Variants in ZBTB8OS observed in about 807,000 individuals in gnomAD.
The protein encoded by ZBTB8OS is tRNA-splicing ligase-activating factor archease.
In ZBTB8OS, 16 loss-of-function variants were observed where a neutral mutation model predicts 29.3. The observed-to-expected ratio is 0.55, with a 90% CI of 0.37 to 0.83. The LOEUF is 0.83. Ranked by LOEUF, ZBTB8OS falls within the 40% of genes least tolerant of loss-of-function variation. The pLI is 0.00. For synonymous variants in ZBTB8OS, 70 were observed against 64.6 expected (o/e 1.08, Z -0.40); for missense variants, 160 against 196.9 (o/e 0.81, Z 1.12).
rs1644760681 is a variant in ZBTB8OS at position 32,621,583 on chromosome 1, G to A, written c.*279C>T. 1 of 358,480 alleles carries A rather than the reference G, an allele frequency of 2.8e-6. No homozygotes were observed. The highest frequency in any genetic ancestry group is 4.6e-5 in the Admixed American group (1 of 21,524). 22.2% of individuals were successfully genotyped at this position (358,480 alleles called of 1,614,324 possible). Reference sequence around the variant, plus strand: ...CTGGAGGGCTTGCATTGCACTGGAAGGGCATGAGGCACACCTACTGCCACA... The same window carrying A: ...CTGGAGGGCTTGCATTGCACTGGAAAGGCATGAGGCACACCTACTGCCACA... On this transcript the variant is annotated 3_prime_UTR_variant, in exon 7 of 7. Coordinates refer to ENST00000468695, the MANE Select transcript of ZBTB8OS (RefSeq NM_178547.5).
At chr1:32,627,010 C>T (rs2148320497) in intron 6 of ZBTB8OS, among the ~76,000 whole-genome samples, 1 of 152,294 alleles carries the variant, frequency 6.6e-6, no homozygotes, top group Admixed American at 6.5e-5. Flanking sequence ...TACTTTGGTG[C>T]TACAACAGAA....
At chr1:32,636,456 C>A (rs908499173) in intron 1 of ZBTB8OS, among the ~76,000 whole-genome samples, 2 of 152,056 alleles carry the variant, frequency 1.3e-5, no homozygotes, top group Admixed American at 1.3e-4. Context: ...TTCGGGAGGC[C>A]GAGGCAGGTG....
intron 6 of ZBTB8OS, among the ~76,000 whole-genome samples, chr1:32,626,363 T>A (rs532252510): frequency 6.6e-6 from 1 of 152,128 alleles, no homozygotes; most frequent in Non-Finnish European, 1.5e-5. Context: ...GTACACTCCA[T>A]GATGTTTGCA....
At chr1:32,634,822 G>T in intron 1 of ZBTB8OS, 30 bp from the exon 2 acceptor site, 1 of 1,436,404 alleles carries the variant, frequency 7.0e-7, no homozygotes, top group Non-Finnish European at 9.8e-7. Context: ...ACACTTATAA[G>T]ACACTAAACT....
intron 6 of ZBTB8OS, among the ~76,000 whole-genome samples, chr1:32,622,999 C>T (rs385698): frequency 6.6e-6 from 1 of 152,182 alleles, no homozygotes; most frequent in Non-Finnish European, 1.5e-5. Flanking sequence ...CCACACGTCT[C>T]TGATACATGA....
At chr1:32,623,884 T>C (rs1035832841) in intron 6 of ZBTB8OS, among the ~76,000 whole-genome samples, 4 of 152,232 alleles carry the variant, frequency 2.6e-5, no homozygotes, top group Admixed American at 6.5e-5. Flanking sequence ...TCTTGAACTG[T>C]AGTGCTCATA....
intron 1 of ZBTB8OS, among the ~76,000 whole-genome samples, chr1:32,638,086 A>G (rs905656229): frequency 6.6e-6 from 1 of 151,994 alleles, no homozygotes; most frequent in African/African-American, 2.4e-5. Context: ...AACCACCTAC[A>G]CTGGCTTCCC....
chr1:32,644,707 T>C (rs77137903), intron 1 of ZBTB8OS, among the ~76,000 whole-genome samples: 185 of 141,254 alleles, frequency 1.3e-3, no homozygotes, highest in Non-Finnish European at 2.2e-3. Context: ...CACCCAGCTT[T>C]TTTTTTTTTT....
At chr1:32,647,509 G>GGCCA (rs2148481153) in intron 1 of ZBTB8OS, among the ~76,000 whole-genome samples, 1 of 151,934 alleles carries the variant, frequency 6.6e-6, no homozygotes, top group Admixed American at 6.6e-5. Context: ...AGTACCAGTT[G>GGCCA]GTGGCCTGTT....
intron 1 of ZBTB8OS, among the ~76,000 whole-genome samples, chr1:32,647,335 G>A (rs1228069816): frequency 4.6e-5 from 7 of 151,286 alleles, no homozygotes; most frequent in African/African-American, 1.7e-4. Context: ...TACTCAGGAG[G>A]CTGAGGCAGA....
In ZBTB8OS at chr1:32,621,595, C is replaced by A; in HGVS notation, c.*267G>T. On this transcript the variant is annotated 3_prime_UTR_variant, in exon 7 of 7. Transcript: ENST00000468695. Reference sequence around the variant, plus strand: ...CATTGCACTGGAAGGGCATGAGGCACACCTACTGCCACAGCAGAGAATCAA... The same window carrying A: ...CATTGCACTGGAAGGGCATGAGGCAAACCTACTGCCACAGCAGAGAATCAA... 2.5e-6 allele frequency: 1 copy of A among 394,426 alleles called. No homozygotes were observed. The highest frequency in any genetic ancestry group is 3.1e-5 in the South Asian group (1 of 32,178). The allele number at this position is 394,426 out of a possible 1,614,324, so 24.4% of individuals were successfully genotyped here.
chr1:32,634,674 A>G, intron 2 of ZBTB8OS, 94 bp downstream of exon 2: 1 of 1,519,900 alleles, frequency 6.6e-7, no homozygotes, highest in South Asian at 1.1e-5. Flanking sequence ...AACCAAAATG[A>G]GAGGAGAAAA....
chr1:32,638,230 C>CTTTT (rs760775116), intron 1 of ZBTB8OS, among the ~76,000 whole-genome samples: 58 of 102,150 alleles, frequency 5.7e-4, no homozygotes, highest in South Asian at 9.8e-4. Flanking sequence ...CTCCAGAATT[C>CTTTT]TTTTTTTTTT....
intron 1 of ZBTB8OS, among the ~76,000 whole-genome samples, chr1:32,642,660 T>C (rs1646501602): frequency 6.7e-6 from 1 of 149,474 alleles, no homozygotes; most frequent in African/African-American, 2.5e-5. Flanking sequence ...TAGGAAACAT[T>C]TGTCTTCTAT....
intron 1 of ZBTB8OS, among the ~76,000 whole-genome samples, chr1:32,640,921 T>C (rs1354410745): frequency 1.3e-5 from 2 of 151,316 alleles, no homozygotes; most frequent in Non-Finnish European, 2.9e-5. Flanking sequence ...TCCCAACACT[T>C]TGGGAGGCCG....
chr1:32,633,729 T>C lies in ZBTB8OS; in HGVS notation c.245-2A>G. 1 of 1,591,234 alleles carries C rather than the reference T, an allele frequency of 6.3e-7. No homozygotes were observed. Among genetic ancestry groups the C allele is most frequent in the Non-Finnish European group, 8.5e-7 (1 of 1,171,200 alleles). On this transcript the variant is annotated splice_acceptor_variant, in intron 3 of 6. Transcript: ENST00000468695. LOFTEE classifies it high-confidence loss of function. ...ACAGAAGAGACTGTAAGTCATCTCC[T>C]ACACAAGATCAAATAGTATATTTAA...
At chr1:32,650,264 C>T (rs780333190) in intron 1 of ZBTB8OS, 169 bp downstream of exon 1, 7 of 898,362 alleles carry the variant, frequency 7.8e-6, no homozygotes, top group African/African-American at 1.7e-5. Context: ...TGGCTTTTTC[C>T]TTCAGCATCC....
intron 5 of ZBTB8OS, chr1:32,627,851 A>G (rs1174908337): frequency 5.7e-6 from 2 of 349,580 alleles, no homozygotes; most frequent in African/African-American, 4.3e-5. Context: ...CCTGAGCAAC[A>G]TAGGGAGACC....
chr1:32,642,334 TATCTACTA>T (rs1351797163), intron 1 of ZBTB8OS, among the ~76,000 whole-genome samples: 1 of 151,940 alleles, frequency 6.6e-6, no homozygotes, highest in Admixed American at 6.6e-5. Flanking sequence ...TGAAACCCCG[TATCTACTA>T]AAAATGCAAA....
Sources: gnomAD v4.1 joint callset for allele counts (sites outside exome capture counted in the v4.1 genomes callset) on GRCh38, gnomAD v4.1.1 for gene constraint, MANE v1.5 for transcripts, NCBI Gene and HGNC (gene_info 2026-07-23, HGNC 2026-07-21) for gene names.